SLX4IP: variants seen among roughly 807,000 people sequenced by gnomAD.
SLX4IP encodes the protein SLX4 interacting protein, also known as protein SLX4IP.
SLX4IP carries 34 observed loss-of-function variants against 32.9 expected under a neutral mutation model. The observed-to-expected ratio is 1.03, with a 90% CI of 0.79 to 1.38. The LOEUF (loss-of-function observed/expected upper bound fraction) is 1.38, where lower values mean the gene tolerates loss of function less well. Ranked by LOEUF, SLX4IP falls within the 40% of genes most tolerant of loss-of-function variation. The pLI is 0.00. For synonymous variants in SLX4IP, 172 were observed against 171.7 expected, an observed-to-expected ratio of 1.00 and a Z score of -0.01; for missense variants, 444 against 479.0, an observed-to-expected ratio of 0.93 and a Z score of 0.68.
At chr20:10,594,193 T>C (rs1033640727) in intron 4 of SLX4IP, among the ~76,000 whole-genome samples, 14 of 152,236 alleles carry the variant, frequency 9.2e-5, no homozygotes, top group Non-Finnish European at 1.5e-5. Context: ...TCTACTTTTC[T>C]GAATGTTTGA....
intron 2 of SLX4IP, among the ~76,000 whole-genome samples, chr20:10,463,121 T>C (rs143943757): frequency 1.2e-3 from 189 of 152,134 alleles, no homozygotes; most frequent in African/African-American, 4.3e-3. Flanking sequence ...ACCCTCTTCG[T>C]TGGGGAGAGG....
chr20:10,585,372 C>G (rs753871034), intron 4 of SLX4IP, among the ~76,000 whole-genome samples: 2 of 152,010 alleles, frequency 1.3e-5, no homozygotes, highest in Non-Finnish European at 2.9e-5. Context: ...CCATGTGGGC[C>G]CCTCTTTCTC....
chr20:10,621,187 C>G, intron 6 of SLX4IP, 127 bp from the exon 7 acceptor site: 1 of 813,118 alleles, frequency 1.2e-6, no homozygotes, highest in South Asian at 1.7e-5. Flanking sequence ...AAATAGCTTA[C>G]CACTGAGCAG....
At chr20:10,589,594 G>C (rs1237197207) in intron 4 of SLX4IP, among the ~76,000 whole-genome samples, 1 of 152,140 alleles carries the variant, frequency 6.6e-6, no homozygotes, top group Non-Finnish European at 1.5e-5. Context: ...GGCAACCAGG[G>C]ATCAGTGGGG....
rs547066107 is a variant in SLX4IP at position 10,585,814 on chromosome 20, C to T, written c.239-12861C>T. 4.6e-5 allele frequency among the ~76,000 whole-genome samples: 7 copies of T among 152,210 alleles called. No homozygotes were observed. In the East Asian group the frequency reaches 1.4e-3, roughly 29 times the overall value. ...CCATATTGGTCAGGCTGGTCTCGAA[C>T]TCCTAACCTCAGGTGATCCACCTGC... On this transcript the variant is annotated intron_variant, in intron 4 of 7. Transcript: ENST00000334534.
At chr20:10,553,764 ATTATC>A (rs2066241118) in intron 2 of SLX4IP, among the ~76,000 whole-genome samples, 1 of 152,194 alleles carries the variant, frequency 6.6e-6, no homozygotes, top group Non-Finnish European at 1.5e-5. Flanking sequence ...GCATTCTAAT[ATTATC>A]TTCAGTTCTC....
chr20:10,616,279 GAATC>G (rs996230723), intron 6 of SLX4IP, among the ~76,000 whole-genome samples: 5 of 151,502 alleles, frequency 3.3e-5, no homozygotes, highest in Admixed American at 2.6e-4. Context: ...CATCATCTCT[GAATC>G]AATCAATCAT....
intron 2 of SLX4IP, among the ~76,000 whole-genome samples, chr20:10,498,874 T>C (rs2065692622): frequency 6.6e-6 from 1 of 152,082 alleles, no homozygotes; most frequent in East Asian, 1.9e-4. Flanking sequence ...CATATCATTC[T>C]ACCCTGTATA....
chr20:10,599,080 G>A (rs1347551224), intron 5 of SLX4IP, among the ~76,000 whole-genome samples: 1 of 152,166 alleles, frequency 6.6e-6, no homozygotes, highest in African/African-American at 2.4e-5. Flanking sequence ...TGGAGCAGGT[G>A]TGTACACAAG....
intron 2 of SLX4IP, among the ~76,000 whole-genome samples, chr20:10,472,279 C>T (rs1182606452): frequency 1.3e-5 from 2 of 149,560 alleles, no homozygotes; most frequent in African/African-American, 2.5e-5. Flanking sequence ...CGCCCAGGCT[C>T]GAGTGCAGTG....
At chr20:10,536,466 C>T (rs182204769) in intron 2 of SLX4IP, among the ~76,000 whole-genome samples, 22 of 152,184 alleles carry the variant, frequency 1.4e-4, no homozygotes, top group Admixed American at 4.6e-4. Context: ...ATCTCTCAGT[C>T]GCCTGTTAGT....
chr20:10,473,762 C>T (rs752092751), intron 2 of SLX4IP, among the ~76,000 whole-genome samples: 3 of 151,990 alleles, frequency 2.0e-5, no homozygotes, highest in Non-Finnish European at 2.9e-5. Flanking sequence ...GCCACCACGC[C>T]TGGCTAATTT....
At chr20:10,554,364 G>A (rs981463040) in intron 2 of SLX4IP, among the ~76,000 whole-genome samples, 2 of 152,170 alleles carry the variant, frequency 1.3e-5, no homozygotes, top group Admixed American at 6.5e-5. Flanking sequence ...TTGTCTTCAC[G>A]TTGGGTTATT....
chr20:10,578,871 C>T (rs1039015074), intron 4 of SLX4IP, among the ~76,000 whole-genome samples: 1 of 152,078 alleles, frequency 6.6e-6, no homozygotes, highest in Non-Finnish European at 1.5e-5. Context: ...TGTATATCTT[C>T]TGTGGATAAA....
intron 4 of SLX4IP, among the ~76,000 whole-genome samples, chr20:10,566,440 C>G (rs2066395453): frequency 6.6e-6 from 1 of 152,030 alleles, no homozygotes; most frequent in South Asian, 2.1e-4. Context: ...CAGCCCGATT[C>G]ATTGTTATCA....
chr20:10,567,368 G>A (rs2066407860), intron 4 of SLX4IP, among the ~76,000 whole-genome samples: 1 of 152,178 alleles, frequency 6.6e-6, no homozygotes, highest in African/African-American at 2.4e-5. Context: ...ATAGTTTAAT[G>A]TTGTTTTAAA....
chr20:10,499,567 C>T (rs2065698691), intron 2 of SLX4IP, among the ~76,000 whole-genome samples: 1 of 152,130 alleles, frequency 6.6e-6, no homozygotes, highest in African/African-American at 2.4e-5. Flanking sequence ...TTCATCTTCC[C>T]ATTTGTATTC....
rs376525631 is a variant in SLX4IP, at chr20:10,531,937, T to A, written c.28-24294T>A. Reference sequence around the variant, plus strand: ...GTTGGATTCTCAGGATAGTTTTCATTTCTTTATAGCTTTTATTCTCCATCA... The same window carrying A: ...GTTGGATTCTCAGGATAGTTTTCATATCTTTATAGCTTTTATTCTCCATCA... On this transcript the variant is annotated intron_variant, in intron 2 of 7. Coordinates refer to ENST00000334534, the MANE Select transcript of SLX4IP (RefSeq NM_001009608.3). Among the ~76,000 whole-genome samples the A allele has an allele frequency of 8.5e-5, 13 of 152,320 alleles. No individual in the cohort carries two copies. The East Asian group carries it at 1.7e-3, about 20-fold the overall frequency.
chr20:10,453,364 G>A (rs1470876550), intron 1 of SLX4IP, among the ~76,000 whole-genome samples: 1 of 142,884 alleles, frequency 7.0e-6, no homozygotes, highest in African/African-American at 2.6e-5. Flanking sequence ...CTCCCCTGCG[G>A]CCTGCTCTGG....
Sources: gnomAD v4.1 joint callset for allele counts (sites outside exome capture counted in the v4.1 genomes callset) on GRCh38, gnomAD v4.1.1 for gene constraint, MANE v1.5 for transcripts, NCBI Gene and HGNC (gene_info 2026-07-23, HGNC 2026-07-21) for gene names.